Variants in KCTD8 observed in about 807,000 individuals in gnomAD.
The protein encoded by KCTD8 is potassium channel tetramerization domain containing 8.
A neutral mutation model predicts 31.5 loss-of-function variants in KCTD8; 27 were observed. That is an observed-to-expected ratio of 0.86 (90% CI 0.63 to 1.18). The LOEUF (loss-of-function observed/expected upper bound fraction) is 1.18, where lower values mean the gene tolerates loss of function less well. Among genes scored for constraint, KCTD8 ranks in the 50% most tolerant of loss-of-function variants. KCTD8 has a pLI of 0.00. For synonymous variants in KCTD8, 290 were observed against 280.0 expected (o/e 1.04, Z -0.36); for missense variants, 658 against 647.7 (o/e 1.02, Z -0.17).
chr4:44,263,130 A>AT (rs1460980358), intron 1 of KCTD8, among the ~76,000 whole-genome samples: 5 of 152,018 alleles, frequency 3.3e-5, no homozygotes, highest in African/African-American at 7.2e-5. Flanking sequence ...AGCATATGGT[A>AT]TTTTTTCTTT....
At chr4:44,195,187 C>CTT (rs34829084) in intron 1 of KCTD8, among the ~76,000 whole-genome samples, 1 of 147,658 alleles carries the variant, frequency 6.8e-6, no homozygotes, top group African/African-American at 2.5e-5. Flanking sequence ...TAAATACATA[C>CTT]TTTTTTTTTT....
chr4:44,321,418 A>C (rs1219633274), intron 1 of KCTD8, among the ~76,000 whole-genome samples: 3 of 152,200 alleles, frequency 2.0e-5, no homozygotes, highest in Non-Finnish European at 4.4e-5. Context: ...CAGATCTTAC[A>C]GTGGCTAATC....
At chr4:44,371,131 G>A (rs1002082343) in intron 1 of KCTD8, among the ~76,000 whole-genome samples, 3 of 152,030 alleles carry the variant, frequency 2.0e-5, no homozygotes, top group Non-Finnish European at 4.4e-5. Context: ...ACAGGATACA[G>A]TGAATGTTAC....
intron 1 of KCTD8, chr4:44,293,346 C>T (rs1322501315): frequency 7.4e-6 from 3 of 407,770 alleles, no homozygotes; most frequent in Non-Finnish European, 1.4e-5. Flanking sequence ...TTCAACTTGC[C>T]CAAATTTAAA....
At chr4:44,210,790 A>G (rs1560395760) in intron 1 of KCTD8, among the ~76,000 whole-genome samples, 1 of 152,202 alleles carries the variant, frequency 6.6e-6, no homozygotes, top group Non-Finnish European at 1.5e-5. Flanking sequence ...CTGGAGCCAG[A>G]CACTAAGCAG....
intron 1 of KCTD8, among the ~76,000 whole-genome samples, chr4:44,237,016 A>C (rs529704508): frequency 1.3e-5 from 2 of 152,332 alleles, no homozygotes; most frequent in South Asian, 4.1e-4. Context: ...TGGAACTGTG[A>C]GTCCATTAAA....
chr4:44,202,638 A>G (rs2109339853), intron 1 of KCTD8, among the ~76,000 whole-genome samples: 1 of 152,238 alleles, frequency 6.6e-6, no homozygotes, highest in Middle Eastern at 3.4e-3. Context: ...GTAGGGAAGG[A>G]GGGAGGGGCA....
intron 1 of KCTD8, among the ~76,000 whole-genome samples, chr4:44,233,715 A>T (rs1715191188): frequency 1.3e-5 from 2 of 152,190 alleles, no homozygotes; most frequent in South Asian, 4.1e-4. Context: ...TATGAATATA[A>T]TTTACCACAA....
At chr4:44,186,140 T>C (rs944020408) in intron 1 of KCTD8, among the ~76,000 whole-genome samples, 1 of 151,920 alleles carries the variant, frequency 6.6e-6, no homozygotes, top group Admixed American at 6.6e-5. Context: ...AGGCTGGACA[T>C]CGAGAAGAAC....
At chr4:44,377,719 A>T (rs1039861772) in intron 1 of KCTD8, among the ~76,000 whole-genome samples, 2 of 152,198 alleles carry the variant, frequency 1.3e-5, no homozygotes, top group Non-Finnish European at 2.9e-5. Context: ...TCTTCTTTTT[A>T]TTATCCTGTA....
intron 1 of KCTD8, among the ~76,000 whole-genome samples, chr4:44,226,165 A>G (rs1011606079): frequency 6.6e-6 from 1 of 151,594 alleles, no homozygotes; most frequent in Non-Finnish European, 1.5e-5. Flanking sequence ...TGCATTAGGT[A>G]TTTGTCCTAA....
intron 1 of KCTD8, among the ~76,000 whole-genome samples, chr4:44,207,234 A>G (rs1714340592): frequency 6.6e-6 from 1 of 152,248 alleles, no homozygotes; most frequent in African/African-American, 2.4e-5. Flanking sequence ...AAAATAAATT[A>G]AAGCTCCAAA....
intron 1 of KCTD8, among the ~76,000 whole-genome samples, chr4:44,343,900 C>G (rs1254877512): frequency 6.6e-6 from 1 of 152,044 alleles, no homozygotes. Flanking sequence ...CGCTCTGTCG[C>G]TAGGCTGGAG....
chr4:44,387,250 A>G (rs976145193), intron 1 of KCTD8, among the ~76,000 whole-genome samples: 9 of 151,764 alleles, frequency 5.9e-5, no homozygotes, highest in Admixed American at 4.6e-4. Flanking sequence ...AAAAAATTCA[A>G]TGCTCAGGGA....
intron 1 of KCTD8, among the ~76,000 whole-genome samples, chr4:44,176,742 G>T (rs1217920353): frequency 1.3e-5 from 2 of 152,128 alleles, no homozygotes; most frequent in African/African-American, 4.8e-5. Flanking sequence ...TGTGAAAACT[G>T]ATAGAACTGT....
At chr4:44,235,577 T>TATATATA (rs1715265203) in intron 1 of KCTD8, among the ~76,000 whole-genome samples, 27 of 38,898 alleles carry the variant, frequency 6.9e-4, no homozygotes, top group Admixed American at 1.3e-3. Context: ...ATATATATAT[T>TATATATA]TAGAGAGAGA....
intron 1 of KCTD8, among the ~76,000 whole-genome samples, chr4:44,342,284 G>C (rs1041725618): frequency 6.6e-6 from 1 of 150,968 alleles, no homozygotes; most frequent in Non-Finnish European, 1.5e-5. Flanking sequence ...CAGGACAATG[G>C]CATGAACCCA....
intron 1 of KCTD8, among the ~76,000 whole-genome samples, chr4:44,262,452 C>T (rs1416745125): frequency 6.6e-6 from 1 of 151,828 alleles, no homozygotes. Flanking sequence ...CAATAAAAGA[C>T]ATTAAAAATA....
chr4:44,197,391 G>C (rs1713978472), intron 1 of KCTD8, among the ~76,000 whole-genome samples: 1 of 152,208 alleles, frequency 6.6e-6, no homozygotes, highest in African/African-American at 2.4e-5. Flanking sequence ...GTAATCAAAA[G>C]GGGTTCCTCC....
Sources: allele counts gnomAD v4.1 joint callset (sites outside exome capture counted in the v4.1 genomes callset), GRCh38; gene constraint gnomAD v4.1.1; transcripts MANE v1.5; gene names NCBI Gene and HGNC (gene_info 2026-07-23, HGNC 2026-07-21).